The following PTRH1 variants were observed in gnomAD, a reference collection of about 807,000 sequenced individuals.
The protein encoded by PTRH1 is peptidyl-tRNA hydrolase 1 homolog, also known as peptidyl-tRNA hydrolase.
A neutral mutation model predicts 15.7 loss-of-function variants in PTRH1; 13 were observed. The observed-to-expected ratio is 0.83, with a 90% CI of 0.54 to 1.31. PTRH1 has a LOEUF of 1.31. Ranked by LOEUF, PTRH1 falls within the 40% of genes most tolerant of loss-of-function variation. The pLI is 0.00. For synonymous variants in PTRH1, 139 were observed against 136.7 expected, an observed-to-expected ratio of 1.02 and a Z score of -0.12; for missense variants, 319 against 296.2, an observed-to-expected ratio of 1.08 and a Z score of -0.56.
At chr9:127,707,488 T>C (rs1842673579) in intron 1 of PTRH1, among the ~76,000 whole-genome samples, 1 of 150,908 alleles carries the variant, frequency 6.6e-6, no homozygotes, top group African/African-American at 2.4e-5. Flanking sequence ...TCCTGCCCCA[T>C]GGGATCACAG....
chr9:127,715,551 C>T lies in PTRH1; in HGVS notation c.89G>A (p.Arg30Gln). The part of the protein sequence containing the change: ...CVLEPRPPGK[R>Q]WMVAGLGNPG... ...CCGCCCCACGCCACTCACCATCCACCGCTTCCCCGGGGGGCGAGGCTCCAA... is the reference window on the plus strand; with the variant it reads ...CCGCCCCACGCCACTCACCATCCACTGCTTCCCCGGGGGGCGAGGCTCCAA... Residue 30 changes from arginine (R) to glutamine (Q), a missense_variant, in exon 1 of 5, where the codon CGG becomes CAG. By Grantham distance (43) the Arg-to-Gln change is conservative. Transcript: ENST00000543175. The surrounding 1 kb of genome is among the most constrained non-coding windows in gnomAD (Gnocchi z 5.8). 1.2e-6 allele frequency: 2 copies of T among 1,613,516 alleles called. No individual in the cohort carries two copies. The highest frequency in any genetic ancestry group is 1.7e-6 in the Non-Finnish European group (2 of 1,180,026).
At chr9:127,707,620 C>A (rs1215953321) in intron 1 of PTRH1, among the ~76,000 whole-genome samples, 1 of 152,328 alleles carries the variant, frequency 6.6e-6, no homozygotes, top group Middle Eastern at 3.4e-3. Context: ...CCAGTTGTTT[C>A]TCCATGCTGG....
At chr9:127,711,612 G>A (rs1842766891), downstream of PTRH1, 2 of 1,351,156 alleles carry the variant, frequency 1.5e-6, no homozygotes, top group South Asian at 2.8e-5. Context: ...AGGCAGCAGA[G>A]AGAGGACTGG....
At chr9:127,711,425 C>A, downstream of PTRH1, 1 of 1,614,180 alleles carries the variant, frequency 6.2e-7, no homozygotes, top group Non-Finnish European at 8.5e-7. Flanking sequence ...ACAGAACAAT[C>A]TGTGCAAACA....
intron 1 of PTRH1, among the ~76,000 whole-genome samples, chr9:127,706,289 G>A (rs1456873805): frequency 1.3e-5 from 2 of 150,992 alleles, no homozygotes; most frequent in Non-Finnish European, 3.0e-5. Context: ...TCATCCCCCT[G>A]CCCCTGCCCC....
At chr9:127,695,508 G>C (rs1842551847) in intron 1 of PTRH1, 1 of 203,086 alleles carries the variant, frequency 4.9e-6, no homozygotes, top group Non-Finnish European at 9.8e-6. Context: ...GGAATGCGGA[G>C]GGCAGCCACT....
intron 1 of PTRH1, among the ~76,000 whole-genome samples, chr9:127,699,481 G>A (rs1242632190): frequency 6.6e-6 from 1 of 152,214 alleles, no homozygotes; most frequent in Non-Finnish European, 1.5e-5. Context: ...GGGATTGGTC[G>A]CCTCTGGCCC....
At chr9:127,703,733 G>C (rs1842621314) in intron 1 of PTRH1, among the ~76,000 whole-genome samples, 1 of 152,214 alleles carries the variant, frequency 6.6e-6, no homozygotes, top group South Asian at 2.1e-4. Flanking sequence ...GTGGGTACCA[G>C]GGGGTGGCAG....
chr9:127,707,071 CT>C, intron 1 of PTRH1: 1 of 1,613,952 alleles, frequency 6.2e-7, no homozygotes, highest in East Asian at 2.2e-5. Flanking sequence ...AGGCAAGGAG[CT>C]TGAAGTCAAG....
chr9:127,697,202 A>C (rs1842568269), intron 1 of PTRH1, among the ~76,000 whole-genome samples: 1 of 152,240 alleles, frequency 6.6e-6, no homozygotes, highest in Admixed American at 6.5e-5. Context: ...TCCATAAGCC[A>C]AGCCCAGTTT....
At chr9:127,713,444 G>A (rs1330852040), downstream of PTRH1, 2 of 465,518 alleles carry the variant, frequency 4.3e-6, no homozygotes, top group Non-Finnish European at 7.5e-6. Context: ...CCACCAGCAG[G>A]GAAAGAGTGG....
At chr9:127,696,056 G>A (rs1232976158) in intron 1 of PTRH1, 1 of 152,246 alleles carries the variant, frequency 6.6e-6, no homozygotes, top group Non-Finnish European at 1.5e-5. Context: ...TATATATTAA[G>A]GCCAGGCACA....
intron 1 of PTRH1, among the ~76,000 whole-genome samples, chr9:127,706,519 C>A (rs1842650694): frequency 6.6e-6 from 1 of 152,174 alleles, no homozygotes; most frequent in Non-Finnish European, 1.5e-5. Flanking sequence ...GGCACACAGG[C>A]ATGGCTGGCT....
chr9:127,700,762 G>A (rs1330965542), intron 1 of PTRH1, among the ~76,000 whole-genome samples: 1 of 152,194 alleles, frequency 6.6e-6, no homozygotes, highest in African/African-American at 2.4e-5. Context: ...CTGGAGATAA[G>A]CAATATTAAA....
In PTRH1 at chr9:127,714,407, C is replaced by T. The variant is rs374030884; in HGVS notation, c.434G>A (p.Arg145His). The change falls in exon 4 of 5, where the codon CGT becomes CAT. Residue 145 changes from arginine to histidine, a missense_variant. Coordinates refer to ENST00000543175, the MANE Select transcript of PTRH1 (RefSeq NM_001002913.3). ...GGSARGHNGV[R>H]SCISCLNSNA... The stretch of plus-strand genomic sequence containing the variant: ...GGAGTTGAGGCAGCTAATGCAGGAA[C>T]GGACTCCATTGTGGCCCCTTCAAGG... 16 of 1,614,202 alleles carry T rather than the reference C, an allele frequency of 9.9e-6. No homozygotes were observed. The highest frequency in any genetic ancestry group is 1.3e-5 in the African/African-American group (1 of 75,068).
chr9:127,709,277 A>G, downstream of PTRH1: 1 of 767,630 alleles, frequency 1.3e-6, no homozygotes. This position sits in a 1 kb window ranked among gnomAD's most constrained non-coding sequence, Gnocchi z 4.7. Context: ...CAAGGGGCAT[A>G]GTGGGAGATG....
At chr9:127,695,098 A>ATGATGATGATGCTGCTGCTGT in exon 2 of PTRH1, 2 of 579,522 alleles carry the variant, frequency 3.5e-6, no homozygotes, top group Middle Eastern at 6.8e-4. Flanking sequence ...GATGATGGTG[A>ATGATGATGATGCTGCTGCTGT]TGATGATGAT....
chr9:127,700,359 TG>T (rs1485788553), intron 1 of PTRH1, among the ~76,000 whole-genome samples: 3 of 152,160 alleles, frequency 2.0e-5, no homozygotes, highest in Non-Finnish European at 4.4e-5. Flanking sequence ...GCCTCCATGA[TG>T]GGGGCTGTTC....
chr9:127,711,771 C>A (rs750480479), downstream of PTRH1: 6 of 1,535,868 alleles, frequency 3.9e-6, no homozygotes, highest in East Asian at 1.5e-4. Context: ...GTGTCTGCAG[C>A]TGGGGGACAG....
Sources: gnomAD v4.1 joint callset for allele counts (sites outside exome capture counted in the v4.1 genomes callset) on GRCh38, gnomAD v4.1.1 for gene constraint, Gnocchi (gnomAD v3.1) non-coding constraint, MANE v1.5 for transcripts, NCBI Gene and HGNC (gene_info 2026-07-23, HGNC 2026-07-21) for gene names.